Variants in P2RY2 observed in about 807,000 individuals in gnomAD.
P2RY2 encodes the protein P2Y purinoceptor 2.
For missense variants in P2RY2, 567 were observed against 515.7 expected (o/e 1.10, Z -0.96); for synonymous variants, 241 against 231.9 (o/e 1.04, Z -0.35).
At chr11:73,230,062 G>A (rs1032201348) in intron 2 of P2RY2, among the ~76,000 whole-genome samples, 7 of 151,982 alleles carry the variant, frequency 4.6e-5, no homozygotes, top group Non-Finnish European at 1.0e-4. Context: ...GATACCCAGG[G>A]GAGGCTCTGT....
In P2RY2 at chr11:73,236,027, G is replaced by A. The variant is rs1485431648; in HGVS notation, c.*734G>A. On this transcript the variant is annotated 3_prime_UTR_variant, in exon 3 of 3. Transcript: ENST00000393597. ...TCCTTTCTCCAATCCGTTCCCTTCTGCCACCTGCCTTCTCACTAGCTGTCT... is the reference window on the plus strand; with the variant it reads ...TCCTTTCTCCAATCCGTTCCCTTCTACCACCTGCCTTCTCACTAGCTGTCT... The A allele has an allele frequency of 8.0e-6, 8 of 1,000,096 alleles. No individual in the cohort carries two copies. The highest frequency in any genetic ancestry group is 9.6e-6 in the Non-Finnish European group (8 of 830,000). 62.0% of individuals were successfully genotyped at this position (1,000,096 alleles called of 1,614,324 possible).
intron 2 of P2RY2, among the ~76,000 whole-genome samples, chr11:73,229,613 C>T (rs111688813): frequency 1.2e-4 from 18 of 152,042 alleles, no homozygotes; most frequent in Admixed American, 3.9e-4. Flanking sequence ...AGGGCCACGG[C>T]GATGGAGTCC....
rs1862699468 is a variant in P2RY2 at position 73,238,182 on chromosome 11, G to A, written c.*2889G>A. ...ATCCTGCTGTCACTCACACTGCCCA[G>A]CTCTTCCTGCCCAGGGTGACTGGGA... On this transcript the variant is annotated 3_prime_UTR_variant, in exon 3 of 3. Transcript: ENST00000393597. 6.6e-6 allele frequency among the ~76,000 whole-genome samples: 1 copy of A among 152,234 alleles called. No individual in the cohort carries two copies. Among genetic ancestry groups the A allele is most frequent in the African/African-American group, 2.4e-5 (1 of 41,448 alleles).
rs1302612809 is a variant in P2RY2, at chr11:73,234,726, C to G, written c.567C>G (p.Pro189=). The change falls in exon 3 of 3, where the codon CCC becomes CCG. Residue 189 remains proline (P), a synonymous_variant. Coordinates refer to ENST00000393597, the MANE Select transcript of P2RY2 (RefSeq NM_002564.4). ...GRVTCHDTSA[P]ELFSRFVAYS... is the part of the protein sequence containing the mutation. ...TAACCTGCCACGACACCTCGGCACC[C>G]GAGCTCTTCAGCCGCTTCGTGGCCT... The G allele has an allele frequency of 1.9e-6, 3 of 1,609,308 alleles. No homozygotes were observed. The highest frequency in any genetic ancestry group is 1.7e-5 in the Admixed American group (1 of 59,976).
chr11:73,230,256 C>T (rs1036335011), intron 2 of P2RY2, among the ~76,000 whole-genome samples: 12 of 151,988 alleles, frequency 7.9e-5, no homozygotes, highest in Admixed American at 6.6e-4. Context: ...TCCTCCCCAC[C>T]GTTCCTCCAT....
chr11:73,240,613 AC>A lies in P2RY2; in HGVS notation c.*5323del, dbSNP rs1862755179. On this transcript the variant is annotated 3_prime_UTR_variant, in exon 3 of 3. Coordinates refer to ENST00000393597, the MANE Select transcript of P2RY2 (RefSeq NM_002564.4). The stretch of plus-strand genomic sequence containing the variant: ...GGTGGCCCAGAGAGGGCTGTGCCTT[AC>A]CCAGTCACACAGCAGTCAGTGTGAA... The A allele has an allele frequency of 6.6e-6, 1 of 152,170 alleles. No homozygotes were observed. The highest frequency in any genetic ancestry group is 6.5e-5 in the Admixed American group (1 of 15,272). 9.4% of individuals were successfully genotyped at this position (152,170 alleles called of 1,614,324 possible).
At chr11:73,230,275 A>G (rs1284270844) in intron 2 of P2RY2, among the ~76,000 whole-genome samples, 1 of 151,964 alleles carries the variant, frequency 6.6e-6, no homozygotes, top group African/African-American at 2.4e-5. Context: ...ATCAGGGAAC[A>G]GTCTCCAGAG....
chr11:73,236,507 C>T lies in P2RY2; in HGVS notation c.*1214C>T. On this transcript the variant is annotated 3_prime_UTR_variant, in exon 3 of 3. Coordinates refer to ENST00000393597, the MANE Select transcript of P2RY2 (RefSeq NM_002564.4). ...GAGCTGTAGCTTCTGAGAAAAGCAG[C>T]TCACCGGAAGAACATCCACACACAG... 1 of 964,440 alleles carries T rather than the reference C, an allele frequency of 1.0e-6. No individual in the cohort carries two copies. The highest frequency in any genetic ancestry group is 4.8e-5 in the South Asian group (1 of 20,868). The allele number at this position is 964,440 out of a possible 1,614,324, so 59.7% of individuals were successfully genotyped here. A position where few individuals can be genotyped will look rare whatever the true frequency, so the allele number is the denominator to read the frequency against.
intron 1 of P2RY2, among the ~76,000 whole-genome samples, chr11:73,224,572 G>A (rs760856408): frequency 1.2e-4 from 19 of 152,342 alleles, no homozygotes; most frequent in Admixed American, 7.8e-4. Flanking sequence ...CTACCTCAGA[G>A]TCCCCAGGTG....
intron 1 of P2RY2, among the ~76,000 whole-genome samples, chr11:73,227,491 A>G (rs1464897742): frequency 6.6e-6 from 1 of 152,160 alleles, no homozygotes; most frequent in East Asian, 1.9e-4. Context: ...TATAACACCT[A>G]ACGAGGAATG....
rs566816792 is a variant in P2RY2, at chr11:73,241,673, C to T, written c.*6380C>T. On this transcript the variant is annotated 3_prime_UTR_variant, in exon 3 of 3. Transcript: ENST00000393597. ...TCCTCTTCCCCCATGCTGTGAGGAC[C>T]TTCATCACTCCTCTTCTGGGTCCCT... 6.6e-6 allele frequency: 1 copy of T among 152,214 alleles called. No homozygotes were observed. Among genetic ancestry groups the T allele is most frequent in the South Asian group, 2.1e-4 (1 of 4,824 alleles). The allele number at this position is 152,214 out of a possible 1,614,324, so 9.4% of individuals were successfully genotyped here.
chr11:73,229,393 G>C (rs1862382089), intron 2 of P2RY2, among the ~76,000 whole-genome samples: 1 of 152,150 alleles, frequency 6.6e-6, no homozygotes, highest in Non-Finnish European at 1.5e-5. Context: ...AGCGGGGCTG[G>C]TGAGCGTTGG....
chr11:73,225,215 A>T (rs1364385864), intron 1 of P2RY2, among the ~76,000 whole-genome samples: 1 of 152,216 alleles, frequency 6.6e-6, no homozygotes, highest in East Asian at 1.9e-4. Flanking sequence ...ATGTCATCCA[A>T]CCACCCTGGA....
chr11:73,234,420 G>T lies in P2RY2; in HGVS notation c.261G>T (p.Pro87=), dbSNP rs1565143479. The T allele has an allele frequency of 8.1e-6, 13 of 1,614,044 alleles. No homozygotes were observed. The highest frequency in any genetic ancestry group is 1.1e-5 in the Non-Finnish European group (13 of 1,180,040). The change falls in exon 3 of 3, where the codon CCG becomes CCT. Residue 87 remains proline, a synonymous_variant. Coordinates refer to ENST00000393597, the MANE Select transcript of P2RY2 (RefSeq NM_002564.4). ...VSDALYAASL[P]LLVYYYARGD... ...ATGCACTGTATGCGGCCTCCCTGCC[G>T]CTGCTGGTCTATTACTACGCCCGCG... is the stretch of plus-strand genomic sequence containing the variant.
At chr11:73,219,756 C>T (rs1429937397) in intron 1 of P2RY2, among the ~76,000 whole-genome samples, 1 of 152,178 alleles carries the variant, frequency 6.6e-6, no homozygotes, top group African/African-American at 2.4e-5. Context: ...CATTTCTTGC[C>T]CCTGGCCTGT....
chr11:73,224,776 G>A (rs971499094), intron 1 of P2RY2, among the ~76,000 whole-genome samples: 11 of 152,236 alleles, frequency 7.2e-5, no homozygotes, highest in Admixed American at 2.0e-4. Flanking sequence ...TAATTCCTGC[G>A]AAGCTTCCTG....
rs752078110 is a variant in P2RY2 at position 73,234,684 on chromosome 11, C to T, written c.525C>T (p.Ser175=). ...QAPVLYFVTT[S]ARGGRVTCHD... ...CCGTGCTCTACTTTGTCACCACCAG[C>T]GCGCGCGGGGGCCGCGTAACCTGCC... Residue 175 remains serine, a synonymous_variant, in exon 3 of 3, where the codon AGC becomes AGT. Transcript: ENST00000393597. 6 of 1,599,796 alleles carry T rather than the reference C, an allele frequency of 3.8e-6. No individual in the cohort carries two copies. In the Admixed American group the frequency reaches 5.0e-5, roughly 13 times the overall value.
At chr11:73,231,439 C>G (rs539603913) in intron 2 of P2RY2, among the ~76,000 whole-genome samples, 1 of 151,228 alleles carries the variant, frequency 6.6e-6, no homozygotes, top group Non-Finnish European at 1.5e-5. Context: ...CACCCGTAAT[C>G]CCAGCTACTT....
At chr11:73,226,981 C>T (rs1279545553) in intron 1 of P2RY2, among the ~76,000 whole-genome samples, 1 of 151,982 alleles carries the variant, frequency 6.6e-6, no homozygotes, top group East Asian at 1.9e-4. Context: ...TCAGAACGTA[C>T]AGTTTTGTTA....
Sources: gnomAD v4.1 joint callset for allele counts (sites outside exome capture counted in the v4.1 genomes callset) on GRCh38, gnomAD v4.1.1 for gene constraint, MANE v1.5 for transcripts, NCBI Gene and HGNC (gene_info 2026-07-23, HGNC 2026-07-21) for gene names.